ACAD11: variants seen among roughly 807,000 people sequenced by gnomAD.
ACAD11 encodes the protein acyl-CoA dehydrogenase family member 11, also known as acyl-Coenzyme A dehydrogenase family, member 11.
A neutral mutation model predicts 102.2 loss-of-function variants in ACAD11; 83 were observed. The ratio of observed to expected loss-of-function variants is 0.81; its 90% CI spans 0.68 to 0.97. ACAD11 has a LOEUF of 0.97. Among genes scored for constraint, ACAD11 ranks in the 50% least tolerant of loss-of-function variants. The probability of loss-of-function intolerance (pLI) is 0.00; values close to 1 mark genes in which losing one functional copy is unlikely to be tolerated. For missense variants in ACAD11, 901 were observed against 951.7 expected (o/e 0.95, Z 0.70); for synonymous variants, 324 against 319.8 (o/e 1.01, Z -0.14).
At chr3:132,650,975 C>T (rs1940911365) in intron 1 of ACAD11, among the ~76,000 whole-genome samples, 2 of 152,222 alleles carry the variant, frequency 1.3e-5, no homozygotes, top group Admixed American at 6.5e-5. Flanking sequence ...CTGGAACTCA[C>T]AGTCTTTCAC....
At chr3:132,650,707 G>C (rs140752251) in intron 1 of ACAD11, among the ~76,000 whole-genome samples, 1 of 152,198 alleles carries the variant, frequency 6.6e-6, no homozygotes, top group African/African-American at 2.4e-5. Context: ...TTAACTTAGT[G>C]TAAGACTGTC....
chr3:132,626,476 T>C (rs17347770), intron 9 of ACAD11, among the ~76,000 whole-genome samples: 5,134 of 152,250 alleles, frequency 0.034, 113 homozygotes, highest in Middle Eastern at 0.082. Flanking sequence ...CTCCCAATGT[T>C]AAAACTACTA....
At chr3:132,628,575 G>A (rs1194924875) in intron 7 of ACAD11, 129 bp from the exon 8 acceptor site, 5 of 588,416 alleles carry the variant, frequency 8.5e-6, no homozygotes, top group South Asian at 2.3e-5. Context: ...ACAGACTATC[G>A]ACGATATTAA....
intron 1 of ACAD11, chr3:132,650,256 A>G (rs1264493704): frequency 6.6e-6 from 1 of 152,260 alleles, no homozygotes; most frequent in African/African-American, 2.4e-5. Flanking sequence ...ATTTAACATC[A>G]GCCAAAAGAG....
chr3:132,658,867 G>A (rs1937967256), intron 1 of ACAD11, among the ~76,000 whole-genome samples: 1 of 152,138 alleles, frequency 6.6e-6, no homozygotes, highest in African/African-American at 2.4e-5. Context: ...AATCAAAATA[G>A]GTATTACAAC....
At chr3:132,641,135 T>G (rs1277320117) in intron 4 of ACAD11, among the ~76,000 whole-genome samples, 1 of 152,316 alleles carries the variant, frequency 6.6e-6, no homozygotes, top group Middle Eastern at 3.4e-3. Flanking sequence ...AAAATGACCA[T>G]AAGTTCCTGT....
chr3:132,564,892 T>A (rs575546934), intron 17 of ACAD11, among the ~76,000 whole-genome samples: 1 of 152,220 alleles, frequency 6.6e-6, no homozygotes, highest in Admixed American at 6.5e-5. Flanking sequence ...TAGTGGTGTG[T>A]TTCCTAGGTT....
At chr3:132,583,631 A>G (rs1281707158) in intron 13 of ACAD11, among the ~76,000 whole-genome samples, 1 of 151,866 alleles carries the variant, frequency 6.6e-6, no homozygotes, top group Non-Finnish European at 1.5e-5. Context: ...AGTTCTTTTA[A>G]TTGTGATGTT....
intron 13 of ACAD11, among the ~76,000 whole-genome samples, chr3:132,592,794 T>G (rs192591900): frequency 1.2e-4 from 19 of 152,274 alleles, no homozygotes; most frequent in Non-Finnish European, 5.9e-5. Flanking sequence ...CAATAAAATT[T>G]CCCTTATATG....
At position 132,603,169 on chromosome 3, in the gene ACAD11, G is replaced by A. The variant is rs372838393; in HGVS notation, c.1621+60C>T. 2.8e-5 allele frequency: 36 copies of A among 1,303,176 alleles called. 1 individual carries two copies. In the South Asian group the frequency reaches 4.2e-4, roughly 15 times the overall value. The allele number at this position is 1,303,176 out of a possible 1,614,324, so 80.7% of individuals were successfully genotyped here. A position where few individuals can be genotyped will look rare whatever the true frequency, so the allele number is the denominator to read the frequency against. On this transcript the variant is annotated intron_variant, in intron 13 of 19. Coordinates refer to ENST00000264990, the MANE Select transcript of ACAD11 (RefSeq NM_032169.5). ...CACTATGTATCATAGCAATATTCTAGCATAGCATCTGGAACAAAGGATCAG... is the reference window on the plus strand; with the variant it reads ...CACTATGTATCATAGCAATATTCTAACATAGCATCTGGAACAAAGGATCAG...
Position 132,558,699 on chromosome 3 carries a change from G to T in ACAD11, c.*272C>A. On this transcript the variant is annotated 3_prime_UTR_variant, in exon 20 of 20. Coordinates refer to ENST00000264990, the MANE Select transcript of ACAD11 (RefSeq NM_032169.5). ...AATTTTTTGTAGCAATGGGGGTCTC[G>T]CTATGTTGCCCAGGCTGGTCCTGAA... is the stretch of plus-strand genomic sequence containing the variant. 3.0e-6 allele frequency: 1 copy of T among 331,598 alleles called. No homozygotes were observed. Among genetic ancestry groups the T allele is most frequent in the Non-Finnish European group, 5.4e-6 (1 of 184,304 alleles). 20.5% of individuals were successfully genotyped at this position (331,598 alleles called of 1,614,324 possible). A position where few individuals can be genotyped will look rare whatever the true frequency, so the allele number is the denominator to read the frequency against.
chr3:132,644,929 AC>A, intron 1 of ACAD11, 33 bp from the exon 2 acceptor site: 6 of 1,325,830 alleles, frequency 4.5e-6, no homozygotes, highest in Non-Finnish European at 6.4e-6. Flanking sequence ...AAGGTCAATT[AC>A]AAAGATATGT....
At chr3:132,650,588 C>T (rs909515461) in intron 1 of ACAD11, among the ~76,000 whole-genome samples, 2 of 152,108 alleles carry the variant, frequency 1.3e-5, no homozygotes, top group Non-Finnish European at 2.9e-5. Flanking sequence ...AATACAGTTG[C>T]ACTTTATCCA....
intron 11 of ACAD11, among the ~76,000 whole-genome samples, chr3:132,617,746 T>A (rs1485564010): frequency 6.6e-6 from 1 of 152,206 alleles, no homozygotes; most frequent in Non-Finnish European, 1.5e-5. Flanking sequence ...TATAAGCCCC[T>A]CTTATTTGCC....
At chr3:132,603,697 C>T (rs1938715154) in intron 12 of ACAD11, among the ~76,000 whole-genome samples, 1 of 152,094 alleles carries the variant, frequency 6.6e-6, no homozygotes, top group Non-Finnish European at 1.5e-5. Flanking sequence ...AGACAGATTC[C>T]CCCCATATAG....
chr3:132,618,506 A>G (rs1939495136), intron 11 of ACAD11, 128 bp downstream of exon 11: 1 of 902,474 alleles, frequency 1.1e-6, no homozygotes, highest in Non-Finnish European at 1.5e-6. Flanking sequence ...AAAGTAACTG[A>G]AAAGTAAAAT....
At chr3:132,564,100 G>A (rs1054007707) in intron 17 of ACAD11, among the ~76,000 whole-genome samples, 17 of 151,978 alleles carry the variant, frequency 1.1e-4, no homozygotes, top group African/African-American at 2.4e-4. Context: ...TTTAATTATC[G>A]AGTTATAGAC....
intron 17 of ACAD11, among the ~76,000 whole-genome samples, chr3:132,572,114 G>C (rs907988705): frequency 9.2e-5 from 14 of 152,104 alleles, no homozygotes; most frequent in Non-Finnish European, 7.4e-5. Flanking sequence ...CAGGAAGACA[G>C]AAAGTCAAAC....
rs116826969 is a variant in ACAD11, at chr3:132,560,146, A to T, written c.2119-204T>A. On this transcript the variant is annotated intron_variant, in intron 18 of 19. Coordinates refer to ENST00000264990, the MANE Select transcript of ACAD11 (RefSeq NM_032169.5). ...TGGAAAGAGACACCTCTTCCAAATCACATTTTATCCATTTATTTCTAACTT... is the reference window on the plus strand; with the variant it reads ...TGGAAAGAGACACCTCTTCCAAATCTCATTTTATCCATTTATTTCTAACTT... Among the ~76,000 whole-genome samples, 880 of 152,194 alleles carry T rather than the reference A, an allele frequency of 5.8e-3. 7 individuals carry two copies. Among genetic ancestry groups the T allele is most frequent in the African/African-American group, 0.02 (850 of 41,564 alleles).
Sources: gnomAD v4.1 joint callset for allele counts (sites outside exome capture counted in the v4.1 genomes callset) on GRCh38, gnomAD v4.1.1 for gene constraint, MANE v1.5 for transcripts, NCBI Gene and HGNC (gene_info 2026-07-23, HGNC 2026-07-21) for gene names.